The following ARIH2 variants were observed in gnomAD, a reference collection of about 807,000 sequenced individuals.
The protein encoded by ARIH2 is ariadne RBR E3 ubiquitin protein ligase 2, also known as E3 ubiquitin-protein ligase ARIH2.
A neutral mutation model predicts 79.8 loss-of-function variants in ARIH2; 12 were observed. The ratio of observed to expected loss-of-function variants is 0.15; its 90% CI spans 0.10 to 0.24. The LOEUF (loss-of-function observed/expected upper bound fraction) is 0.24. ARIH2 is among the 10% of genes least tolerant of loss of function. ARIH2 has a pLI of 1.00. For synonymous variants in ARIH2, 224 were observed against 213.9 expected (o/e 1.05, Z -0.41); for missense variants, 301 against 618.3 (o/e 0.49, Z 5.44).
intron 3 of ARIH2, chr3:48,934,217 A>T (rs1277884648): frequency 5.5e-6 from 2 of 366,934 alleles, no homozygotes; most frequent in Non-Finnish European, 7.5e-6. Flanking sequence ...TTGTAACGTG[A>T]TCAATTGGTG....
intron 1 of ARIH2, chr3:48,921,655 A>G (rs1017553118): frequency 2.0e-5 from 3 of 151,378 alleles, no homozygotes; most frequent in African/African-American, 7.3e-5. Context: ...GCTTGTTTTG[A>G]ACTCCTGAGC....
At chr3:48,943,720 C>T (rs1376773288) in intron 3 of ARIH2, among the ~76,000 whole-genome samples, 1 of 152,112 alleles carries the variant, frequency 6.6e-6, no homozygotes, top group Non-Finnish European at 1.5e-5. Context: ...GTAGCTCTGT[C>T]ATTGAAACAT....
chr3:48,968,201 ATTTTT>A (rs532883982), intron 6 of ARIH2: 14 of 133,532 alleles, frequency 1.0e-4, no homozygotes, highest in East Asian at 2.1e-4. Flanking sequence ...CACCTGGCTA[ATTTTT>A]TTTTTTTTTT....
At chr3:48,931,078 A>C (rs2086288161) in intron 3 of ARIH2, among the ~76,000 whole-genome samples, 1 of 152,050 alleles carries the variant, frequency 6.6e-6, no homozygotes, top group Non-Finnish European at 1.5e-5. Context: ...TCTTTTTAAA[A>C]ATTATTATTT....
intron 3 of ARIH2, among the ~76,000 whole-genome samples, chr3:48,933,600 A>G (rs1010512152): frequency 1.8e-4 from 24 of 131,348 alleles, no homozygotes; most frequent in Non-Finnish European, 2.9e-4. Context: ...CCCAGGCTGG[A>G]GTGCAGTGGC....
chr3:48,938,888 C>T (rs866841977), intron 3 of ARIH2, among the ~76,000 whole-genome samples: 1 of 138,964 alleles, frequency 7.2e-6, no homozygotes, highest in Non-Finnish European at 1.5e-5. Context: ...GACTAGTCAT[C>T]CCTGTCCCCA....
chr3:48,943,579 A>G (rs2088664232), intron 3 of ARIH2: 1 of 152,116 alleles, frequency 6.6e-6, no homozygotes, highest in South Asian at 2.1e-4. Flanking sequence ...AATCCGTCAA[A>G]AAATTTCTGC....
intron 3 of ARIH2, among the ~76,000 whole-genome samples, chr3:48,958,459 C>T (rs1206908028): frequency 1.3e-5 from 2 of 152,146 alleles, no homozygotes; most frequent in Non-Finnish European, 2.9e-5. Flanking sequence ...CGCCTGTAAT[C>T]CCAGCACTTT....
chr3:48,980,432 T>C lies in ARIH2; in HGVS notation c.1193T>C (p.Met398Thr), dbSNP rs1211620874. ...RIHEKIQERV[M>T]NNLGTWIDWQ... ...CACGAGAAGATTCAGGAGAGGGTCA[T>C]GAACAATCTGGGGACATGGATCGAC... The change falls in exon 13 of 16, where the codon ATG becomes ACG. Residue 398 changes from methionine to threonine, a missense_variant. This residue lies in a region of ARIH2 where 78 missense variants were observed against 268.9 expected (regional missense o/e 0.29). Transcript: ENST00000356401. 2 of 1,614,128 alleles carry C rather than the reference T, an allele frequency of 1.2e-6. No individual in the cohort carries two copies. The highest frequency in any genetic ancestry group is 3.3e-5 in the Admixed American group (2 of 60,022).
At chr3:48,959,599 C>T (rs1431577857) in intron 3 of ARIH2, among the ~76,000 whole-genome samples, 6 of 127,514 alleles carry the variant, frequency 4.7e-5, no homozygotes, top group Non-Finnish European at 9.2e-5. Context: ...GTCAGGAGAT[C>T]GAGACCATTC....
At chr3:48,981,366 T>G (rs538573107) in intron 13 of ARIH2, among the ~76,000 whole-genome samples, 1 of 151,982 alleles carries the variant, frequency 6.6e-6, no homozygotes, top group South Asian at 2.1e-4. Context: ...GGCTAAGCAT[T>G]GAGATAGATG....
intron 3 of ARIH2, among the ~76,000 whole-genome samples, chr3:48,942,650 T>A (rs1250652104): frequency 6.8e-6 from 1 of 146,798 alleles, no homozygotes; most frequent in Non-Finnish European, 1.5e-5. Flanking sequence ...GGCTAATTTT[T>A]TTTTTTTTTT....
intron 3 of ARIH2, among the ~76,000 whole-genome samples, chr3:48,956,000 A>G (rs913400480): frequency 2.0e-5 from 3 of 152,184 alleles, no homozygotes; most frequent in Non-Finnish European, 2.9e-5. Context: ...CCTGGTGTCC[A>G]TTACTGGATG....
At chr3:48,940,672 G>A (rs1197217740) in intron 3 of ARIH2, among the ~76,000 whole-genome samples, 3 of 151,738 alleles carry the variant, frequency 2.0e-5, no homozygotes, top group African/African-American at 7.3e-5. Flanking sequence ...GCGCGTGCCT[G>A]TAATCCTAGA....
chr3:48,925,571 A>G (rs905831831), intron 2 of ARIH2, among the ~76,000 whole-genome samples: 1 of 151,648 alleles, frequency 6.6e-6, no homozygotes, highest in Non-Finnish European at 1.5e-5. Context: ...TTTGTTTTAG[A>G]TTATGGTTGG....
chr3:48,981,631 C>A (rs754305804), intron 13 of ARIH2, 29 bp from the exon 14 acceptor site: 1 of 1,594,868 alleles, frequency 6.3e-7, no homozygotes, highest in South Asian at 1.1e-5. Flanking sequence ...ATCACAGACA[C>A]AGGTTCCTTC....
At chr3:48,927,325 T>G in intron 2 of ARIH2, 137 bp from the exon 3 acceptor site, 1 of 497,864 alleles carries the variant, frequency 2.0e-6, no homozygotes, top group South Asian at 2.3e-5. Context: ...GATAGTAAGA[T>G]TCCCCATGTG....
intron 2 of ARIH2, among the ~76,000 whole-genome samples, chr3:48,924,121 C>T (rs1294741918): frequency 6.6e-6 from 1 of 152,070 alleles, no homozygotes; most frequent in African/African-American, 2.4e-5. Flanking sequence ...CAGAGTGATA[C>T]TATGTCTCAG....
At chr3:48,960,738 T>TG (rs1258914760) in intron 3 of ARIH2, among the ~76,000 whole-genome samples, 2 of 149,838 alleles carry the variant, frequency 1.3e-5, no homozygotes, top group Admixed American at 1.3e-4. Context: ...CACTCCAGCC[T>TG]GGGTGACAAA....
Sources: gnomAD v4.1 joint callset for allele counts (sites outside exome capture counted in the v4.1 genomes callset) on GRCh38, gnomAD v4.1.1 for gene constraint, gnomAD v4.1.1 regional missense constraint, MANE v1.5 for transcripts, NCBI Gene and HGNC (gene_info 2026-07-23, HGNC 2026-07-21) for gene names.